WAPL: variants seen among roughly 807,000 people sequenced by gnomAD.
WAPL encodes the protein wings apart-like protein homolog.
In WAPL, 5 loss-of-function variants were observed where a neutral mutation model predicts 121.0. The observed-to-expected ratio is 0.04, with a 90% confidence interval of 0.02 to 0.09. The LOEUF (loss-of-function observed/expected upper bound fraction) is 0.09. WAPL is among the 10% of genes least tolerant of loss of function. The probability of loss-of-function intolerance (pLI) is 1.00; values close to 1 mark genes in which losing one functional copy is unlikely to be tolerated. For missense variants in WAPL, 999 were observed against 1,410.8 expected (o/e 0.71, Z 4.68); for synonymous variants, 480 against 481.5 (o/e 1.00, Z 0.04).
At chr10:86,438,046 G>A in intron 17 of WAPL, 31 bp from the exon 18 acceptor site, 1 of 1,548,760 alleles carries the variant, frequency 6.5e-7, no homozygotes, top group Non-Finnish European at 8.9e-7. Context: ...ATATTGGTCA[G>A]CTGGCAGAAA....
intron 2 of WAPL, among the ~76,000 whole-genome samples, chr10:86,502,148 A>T (rs1023432085): frequency 4.6e-5 from 7 of 152,270 alleles, no homozygotes; most frequent in Non-Finnish European, 8.8e-5. Context: ...TTACATAAGT[A>T]ACAAGAAACT....
intron 4 of WAPL, among the ~76,000 whole-genome samples, chr10:86,478,357 A>G: frequency 6.6e-6 from 1 of 152,096 alleles, no homozygotes; most frequent in East Asian, 1.9e-4. Context: ...TCCTGAGTCC[A>G]GGAAGTGGAG....
At chr10:86,474,945 A>G (rs1408693505) in intron 4 of WAPL, among the ~76,000 whole-genome samples, 1 of 152,328 alleles carries the variant, frequency 6.6e-6, no homozygotes, top group South Asian at 2.1e-4. Flanking sequence ...TAAATATAAT[A>G]CATATACCAC....
intron 14 of WAPL, among the ~76,000 whole-genome samples, chr10:86,452,625 C>A (rs957851140): frequency 5.9e-5 from 9 of 151,750 alleles, no homozygotes; most frequent in South Asian, 2.1e-4. Context: ...ACAAAAAAAA[C>A]AAAACAAAAA....
chr10:86,505,256 TCC>T (rs1842324182), intron 2 of WAPL, among the ~76,000 whole-genome samples: 1 of 142,246 alleles, frequency 7.0e-6, no homozygotes, highest in African/African-American at 2.6e-5. Context: ...CATCTCAGCC[TCC>T]CAAAGTACTG....
At chr10:86,477,545 G>A (rs531254206) in intron 4 of WAPL, among the ~76,000 whole-genome samples, 61 of 152,290 alleles carry the variant, frequency 4.0e-4, no homozygotes, top group African/African-American at 1.4e-3. Context: ...ACTCATGCCT[G>A]TAATCCCAGC....
chr10:86,520,083 G>T lies in WAPL; in HGVS notation c.-23+1282C>A, dbSNP rs1430352828. ...AGCCAAGACGGGCAGATCACCTGAG[G>T]CCAGGAGTTCGAGACCAGCCTGACC... On this transcript the variant is annotated intron_variant, in intron 1 of 18. Coordinates refer to ENST00000298767, the MANE Select transcript of WAPL (RefSeq NM_015045.5). Among the ~76,000 whole-genome samples, 4 of 152,214 alleles carry T rather than the reference G, an allele frequency of 2.6e-5. No homozygotes were observed. The East Asian group carries it at 7.7e-4, about 29-fold the overall frequency.
chr10:86,518,424 T>C (rs750157611), intron 1 of WAPL, among the ~76,000 whole-genome samples: 3 of 152,262 alleles, frequency 2.0e-5, no homozygotes, highest in Non-Finnish European at 1.5e-5. Flanking sequence ...ACTATTCTTA[T>C]AAACATCATT....
At chr10:86,489,783 G>C (rs1354131955) in intron 4 of WAPL, among the ~76,000 whole-genome samples, 1 of 150,750 alleles carries the variant, frequency 6.6e-6, no homozygotes, top group Non-Finnish European at 1.5e-5. Context: ...TTACCACCTG[G>C]AAATGGGGCC....
intron 4 of WAPL, among the ~76,000 whole-genome samples, chr10:86,491,014 G>A (rs1293815948): frequency 6.6e-6 from 1 of 151,252 alleles, no homozygotes; most frequent in Admixed American, 6.6e-5. Flanking sequence ...AGTGAGCCGA[G>A]ATCATGCCAC....
Position 86,446,378 on chromosome 10 carries a change from G to T in WAPL, c.3186C>A (p.Pro1062=), listed in dbSNP as rs893724736. 1.2e-6 allele frequency: 2 copies of T among 1,614,130 alleles called. No homozygotes were observed. Among genetic ancestry groups the T allele is most frequent in the Non-Finnish European group, 1.7e-6 (2 of 1,180,030 alleles). ...SKTDELIKDA[P]TTQHDKSGEW... is the part of the protein sequence containing the mutation. ...CTCCACTCTTATCATGCTGAGTGGT[G>T]GGAGCATCTTTGATCAACTCATCTG... The change falls in exon 16 of 19, where the codon CCC becomes CCA. Residue 1062 remains proline (P), a synonymous_variant. Transcript: ENST00000298767.
chr10:86,511,362 T>C (rs943563865), intron 2 of WAPL, among the ~76,000 whole-genome samples: 2 of 152,210 alleles, frequency 1.3e-5, no homozygotes, highest in Non-Finnish European at 2.9e-5. Flanking sequence ...AATTTGCCCC[T>C]TGCAAAATAA....
At chr10:86,520,009 G>A (rs1842641524) in intron 1 of WAPL, among the ~76,000 whole-genome samples, 1 of 152,340 alleles carries the variant, frequency 6.6e-6, no homozygotes, top group East Asian at 1.9e-4. Context: ...AAATAATTTT[G>A]TGCTGGCTGG....
At chr10:86,451,673 G>C (rs532879284) in intron 15 of WAPL, among the ~76,000 whole-genome samples, 2 of 152,290 alleles carry the variant, frequency 1.3e-5, no homozygotes, top group South Asian at 2.1e-4. Context: ...GATTATAGGC[G>C]TGAGTCACTG....
chr10:86,450,725 A>C (rs1374183972), intron 15 of WAPL, among the ~76,000 whole-genome samples: 2 of 152,234 alleles, frequency 1.3e-5, no homozygotes, highest in East Asian at 3.8e-4. Flanking sequence ...CTGATAAGTA[A>C]TGATAATCTA....
chr10:86,443,387 T>C (rs1849522458), intron 16 of WAPL, 24 bp from the exon 17 acceptor site: 3 of 1,606,540 alleles, frequency 1.9e-6, no homozygotes, highest in Non-Finnish European at 1.7e-6. Flanking sequence ...AGTAAAGAAT[T>C]GTAACAGTAT....
At position 86,435,332 on chromosome 10, in the gene WAPL, AAACT is replaced by A; in HGVS notation, c.*2207_*2210del. ...AAGACATACTTCATGAAACTGGTAC[AAACT>A]ATTTTTTCCTGCCGTTGGCTTTTGC... On this transcript the variant is annotated 3_prime_UTR_variant, in exon 19 of 19. Transcript: ENST00000298767. 6.5e-6 allele frequency: 1 copy of A among 152,774 alleles called. No individual in the cohort carries two copies. 9.5% of individuals were successfully genotyped at this position (152,774 alleles called of 1,614,324 possible). A position where few individuals can be genotyped will look rare whatever the true frequency, so the allele number is the denominator to read the frequency against.
intron 4 of WAPL, among the ~76,000 whole-genome samples, chr10:86,477,841 A>AGGT (rs2132198726): frequency 6.6e-6 from 1 of 152,026 alleles, no homozygotes; most frequent in African/African-American, 2.4e-5. Context: ...GCACTTTGGG[A>AGGT]GGTCAAGGTG....
intron 4 of WAPL, among the ~76,000 whole-genome samples, chr10:86,491,086 T>C (rs905663973): frequency 6.9e-6 from 1 of 145,442 alleles, no homozygotes; most frequent in African/African-American, 2.5e-5. Context: ...AATAAATACA[T>C]ACATAAATAA....
Sources: allele counts gnomAD v4.1 joint callset (sites outside exome capture counted in the v4.1 genomes callset), GRCh38; gene constraint gnomAD v4.1.1; transcripts MANE v1.5; gene names NCBI Gene and HGNC (gene_info 2026-07-23, HGNC 2026-07-21).